RPS6KC1: variants seen among roughly 807,000 people sequenced by gnomAD.
RPS6KC1 encodes inactive ribosomal protein S6 kinase delta-1.
RPS6KC1 carries 54 observed loss-of-function variants against 103.8 expected under a neutral mutation model. The ratio of observed to expected loss-of-function variants is 0.52; its 90% CI spans 0.42 to 0.65. RPS6KC1 has a LOEUF of 0.65. Ranked by LOEUF, RPS6KC1 falls within the 30% of genes least tolerant of loss-of-function variation. The pLI is 0.00. For missense variants in RPS6KC1, 1,151 were observed against 1,253.8 expected, an observed-to-expected ratio of 0.92 and a Z score of 1.24; for synonymous variants, 439 against 438.7, an observed-to-expected ratio of 1.00 and a Z score of -0.01.
At chr1:213,674,767 C>G in the RPS6KC1 span, among the ~76,000 whole-genome samples, 12 of 152,162 alleles carry the variant, frequency 7.9e-5, no homozygotes, top group African/African-American at 2.7e-4. Flanking sequence ...TAAGCATTCC[C>G]TTTTTCTCTG....
chr1:213,232,011 C>G (rs962955371), intron 9 of RPS6KC1, 112 bp from the exon 10 acceptor site: 1 of 1,347,906 alleles, frequency 7.4e-7, no homozygotes, highest in African/African-American at 1.4e-5. Flanking sequence ...TTCTCTGAAG[C>G]CCAGAGTAAC....
At chr1:213,143,794 CTG>C (rs923410167) in intron 6 of RPS6KC1, among the ~76,000 whole-genome samples, 8 of 148,878 alleles carry the variant, frequency 5.4e-5, no homozygotes, top group Middle Eastern at 3.5e-3. Flanking sequence ...GTGAACCACA[CTG>C]GGCAAAAATC....
At chr1:213,822,435 T>A in the RPS6KC1 span, 2 of 127,668 alleles carry the variant, frequency 1.6e-5, no homozygotes, top group Non-Finnish European at 3.0e-5. Context: ...CTTTTTCACC[T>A]GTAAAAAAAA....
chr1:213,448,660 T>C, the RPS6KC1 span, among the ~76,000 whole-genome samples: 1 of 151,830 alleles, frequency 6.6e-6, no homozygotes, highest in African/African-American at 2.4e-5. Context: ...CTTGAGACCC[T>C]GTGTGAAGCC....
chr1:213,384,180 G>T, the RPS6KC1 span, among the ~76,000 whole-genome samples: 2 of 152,040 alleles, frequency 1.3e-5, no homozygotes, highest in African/African-American at 4.8e-5. Context: ...GGAGGCTGAG[G>T]CAGGAGAATG....
At chr1:213,448,959 C>T in the RPS6KC1 span, among the ~76,000 whole-genome samples, 1 of 152,142 alleles carries the variant, frequency 6.6e-6, no homozygotes, top group Admixed American at 6.5e-5. Context: ...TCCCAGTGGC[C>T]TCAACTCGGG....
the RPS6KC1 span, among the ~76,000 whole-genome samples, chr1:213,735,143 T>C: frequency 1.1e-4 from 16 of 152,232 alleles, no homozygotes; most frequent in Non-Finnish European, 2.2e-4. Flanking sequence ...CAGGATGGTC[T>C]TGAGAAGTCA....
At chr1:213,476,482 G>A in the RPS6KC1 span, among the ~76,000 whole-genome samples, 1 of 152,188 alleles carries the variant, frequency 6.6e-6, no homozygotes, top group African/African-American at 2.4e-5. Context: ...TTAAACCAAT[G>A]TAGCTGAAGA....
chr1:213,189,792 C>T (rs202138936), intron 8 of RPS6KC1, among the ~76,000 whole-genome samples: 7 of 152,108 alleles, frequency 4.6e-5, no homozygotes, highest in East Asian at 3.8e-4. Context: ...CTTCCCCTTC[C>T]GAACCCTACA....
the RPS6KC1 span, among the ~76,000 whole-genome samples, chr1:213,591,254 A>G: frequency 2.6e-5 from 4 of 152,018 alleles, no homozygotes; most frequent in Non-Finnish European, 5.9e-5. Flanking sequence ...CAGCCTTACT[A>G]CCTCCTGAAG....
At position 213,241,693 on chromosome 1, in the gene RPS6KC1, A is replaced by G. The variant is rs1262224866; in HGVS notation, c.2217A>G (p.Glu739=). The G allele has an allele frequency of 3.1e-6, 5 of 1,613,810 alleles. No homozygotes were observed. Among genetic ancestry groups the G allele is most frequent in the African/African-American group, 1.3e-5 (1 of 74,928 alleles). ...TTTTATGCCTCAGGCTTAGTACTGAACAATGCCAAGCACATGAGGAGAAAG... is the reference window on the plus strand; with the variant it reads ...TTTTATGCCTCAGGCTTAGTACTGAGCAATGCCAAGCACATGAGGAGAAAG... ...PDVLCLRLST[E]QCQAHEEKGI... Residue 739 remains glutamate, a synonymous_variant, in exon 11 of 15, where the codon GAA becomes GAG. Transcript: ENST00000366960.
At chr1:213,301,489 A>G in the RPS6KC1 span, among the ~76,000 whole-genome samples, 1 of 152,224 alleles carries the variant, frequency 6.6e-6, no homozygotes. Context: ...AACAAGGCAG[A>G]AAAGGCATAT....
At chr1:213,624,282 G>C in the RPS6KC1 span, among the ~76,000 whole-genome samples, 7 of 152,196 alleles carry the variant, frequency 4.6e-5, no homozygotes, top group African/African-American at 1.4e-4. Flanking sequence ...GTGAGAAAAA[G>C]GTCATTTCGT....
chr1:213,491,473 A>C, the RPS6KC1 span, among the ~76,000 whole-genome samples: 3 of 152,288 alleles, frequency 2.0e-5, no homozygotes, highest in East Asian at 5.8e-4. Flanking sequence ...ACTTGAGCCC[A>C]GGAGGCAGAG....
At chr1:213,421,819 G>A in the RPS6KC1 span, among the ~76,000 whole-genome samples, 1 of 152,214 alleles carries the variant, frequency 6.6e-6, no homozygotes, top group Admixed American at 6.5e-5. Flanking sequence ...GCTTGGAGAT[G>A]ACCTGACCTG....
the RPS6KC1 span, among the ~76,000 whole-genome samples, chr1:213,622,494 C>T: frequency 6.6e-6 from 1 of 152,076 alleles, no homozygotes; most frequent in African/African-American, 2.4e-5. Context: ...TTCGGTTGCA[C>T]GTTTGTAGTC....
intron 10 of RPS6KC1, among the ~76,000 whole-genome samples, chr1:213,234,145 G>T (rs1358770883): frequency 2.6e-5 from 4 of 151,642 alleles, no homozygotes; most frequent in African/African-American, 7.3e-5. Flanking sequence ...CCTCAGCTGG[G>T]ATTACATGCG....
chr1:213,152,519 C>CA (rs1170406643), intron 6 of RPS6KC1, among the ~76,000 whole-genome samples: 1 of 150,028 alleles, frequency 6.7e-6, no homozygotes, highest in Non-Finnish European at 1.5e-5. Context: ...CCTCACTTCT[C>CA]AGACGGGGCG....
the RPS6KC1 span, among the ~76,000 whole-genome samples, chr1:213,613,193 A>T: frequency 6.6e-6 from 1 of 152,226 alleles, no homozygotes; most frequent in African/African-American, 2.4e-5. Context: ...TGTGAGTTAG[A>T]GGAATTGGTG....
Sources: allele counts gnomAD v4.1 joint callset (sites outside exome capture counted in the v4.1 genomes callset), GRCh38; gene constraint gnomAD v4.1.1; transcripts MANE v1.5; gene names NCBI Gene and HGNC (gene_info 2026-07-23, HGNC 2026-07-21).